Variants in CMBL observed in about 807,000 individuals in gnomAD.
The protein encoded by CMBL is carboxymethylenebutenolidase homolog.
Under a neutral mutation model 28.7 loss-of-function variants are expected in CMBL, and 17 were observed. The ratio of observed to expected loss-of-function variants is 0.59; its 90% CI spans 0.41 to 0.89. The LOEUF (loss-of-function observed/expected upper bound fraction) is 0.89, where lower values mean the gene tolerates loss of function less well. Among genes scored for constraint, CMBL ranks in the 40% least tolerant of loss-of-function variants. The pLI is 0.00. For synonymous variants in CMBL, 106 were observed against 101.6 expected, an observed-to-expected ratio of 1.04 and a Z score of -0.26; for missense variants, 310 against 298.5, an observed-to-expected ratio of 1.04 and a Z score of -0.28.
At chr5:10,301,626 G>A (rs13166867) in intron 1 of CMBL, among the ~76,000 whole-genome samples, 65,227 of 135,360 alleles carry the variant, frequency 0.48, 17,652 homozygotes, top group Non-Finnish European at 0.63. Context: ...TTTTGGAGAC[G>A]GAGTCTCGCT....
At chr5:10,284,181 G>T (rs1288075529) in intron 4 of CMBL, among the ~76,000 whole-genome samples, 1 of 152,202 alleles carries the variant, frequency 6.6e-6, no homozygotes, top group Non-Finnish European at 1.5e-5. Flanking sequence ...CGGCCAGAAG[G>T]TGGCGCCGGG....
At chr5:10,295,064 G>A (rs569348925) in intron 1 of CMBL, among the ~76,000 whole-genome samples, 1 of 151,848 alleles carries the variant, frequency 6.6e-6, no homozygotes, top group African/African-American at 2.4e-5. Context: ...ATCCTGTATT[G>A]ATGAATTCAT....
intron 3 of CMBL, among the ~76,000 whole-genome samples, chr5:10,287,888 T>G (rs1338007397): frequency 6.6e-6 from 1 of 151,692 alleles, no homozygotes; most frequent in Non-Finnish European, 1.5e-5. Context: ...GTTTTTGGTT[T>G]GTTTGTTTGT....
Position 10,284,198 on chromosome 5 carries a change from T to C in CMBL, c.467-1910A>G, listed in dbSNP as rs139471795. 4.1e-3 allele frequency among the ~76,000 whole-genome samples: 626 copies of C among 152,334 alleles called. 3 individuals carry two copies. The highest frequency in any genetic ancestry group is 0.015 in the African/African-American group (607 of 41,582). On this transcript the variant is annotated intron_variant, in intron 4 of 5. Transcript: ENST00000296658. ...GCCAGAAGGTGGCGCCGGGGAGGCA[T>C]CCACTCCCGACCGCCTTTTGCTAAA... is the stretch of plus-strand genomic sequence containing the variant.
Position 10,280,055 on chromosome 5 carries a change from C to T in CMBL, c.*398G>A, listed in dbSNP as rs1340637688. The T allele has an allele frequency of 6.4e-6, 1 of 156,128 alleles. No individual in the cohort carries two copies. The highest frequency in any genetic ancestry group is 2.4e-5 in the African/African-American group (1 of 41,502). 9.7% of individuals were successfully genotyped at this position (156,128 alleles called of 1,614,324 possible). ...CTGGGTTCTATTGATTCTTGTGCCT[C>T]AGCCTCCCAAGTAGCTGGGACTACA... is the stretch of plus-strand genomic sequence containing the variant. On this transcript the variant is annotated 3_prime_UTR_variant, in exon 6 of 6. Coordinates refer to ENST00000296658, the MANE Select transcript of CMBL (RefSeq NM_138809.4).
chr5:10,282,390 T>G (rs113015572), intron 4 of CMBL, 102 bp from the exon 5 acceptor site: 4 of 672,530 alleles, frequency 5.9e-6, no homozygotes, highest in African/African-American at 1.9e-5. Flanking sequence ...CACAGAAAAC[T>G]GCAACATTTG....
intron 1 of CMBL, among the ~76,000 whole-genome samples, chr5:10,293,255 A>G (rs1229677027): frequency 6.6e-6 from 1 of 152,260 alleles, no homozygotes; most frequent in African/African-American, 2.4e-5. Context: ...AACAAAATAC[A>G]GTAAACTGGG....
At chr5:10,283,190 G>C (rs1436107985) in intron 4 of CMBL, among the ~76,000 whole-genome samples, 1 of 152,034 alleles carries the variant, frequency 6.6e-6, no homozygotes, top group African/African-American at 2.4e-5. Context: ...TGGGAATCAG[G>C]CCATTAAATA....
At position 10,290,687 on chromosome 5, in the gene CMBL, G is replaced by C. The variant is rs1300597264; in HGVS notation, c.76C>G (p.Gln26Glu). ...ACATAAGCCTTGATGTGCTCGACTT[G>C]AACTTCACGGCCTAGCCCTCCATAC... ...LEYGGLGREV[Q>E]VEHIKAYVTK... The change falls in exon 2 of 6, where the codon CAA (glutamine) becomes GAA (glutamate). Residue 26 changes from glutamine (Q) to glutamate (E), a missense_variant. Coordinates refer to ENST00000296658, the MANE Select transcript of CMBL (RefSeq NM_138809.4). 1.9e-6 allele frequency: 3 copies of C among 1,614,172 alleles called. No homozygotes were observed. Among genetic ancestry groups the C allele is most frequent in the Non-Finnish European group, 2.5e-6 (3 of 1,180,046 alleles).
At chr5:10,290,272 C>T in intron 2 of CMBL, 1 of 441,306 alleles carries the variant, frequency 2.3e-6, no homozygotes, top group Non-Finnish European at 4.2e-6. Context: ...CTGGCTGAGG[C>T]CCCACACGGG....
At chr5:10,291,415 C>G (rs992635999) in intron 1 of CMBL, among the ~76,000 whole-genome samples, 1 of 152,134 alleles carries the variant, frequency 6.6e-6, no homozygotes, top group African/African-American at 2.4e-5. Flanking sequence ...GTAATCCCAG[C>G]ACTTTGGGAG....
intron 1 of CMBL, among the ~76,000 whole-genome samples, chr5:10,291,043 G>A (rs1475901887): frequency 6.6e-6 from 1 of 152,088 alleles, no homozygotes; most frequent in Non-Finnish European, 1.5e-5. Context: ...CTCTTCAGGG[G>A]GCAGGATCGG....
At chr5:10,286,285 G>A in intron 4 of CMBL, 69 bp downstream of exon 4, 1 of 1,478,454 alleles carries the variant, frequency 6.8e-7, no homozygotes, top group Non-Finnish European at 9.3e-7. Context: ...GGATGGGGAG[G>A]CTTGTGATTG....
intron 4 of CMBL, among the ~76,000 whole-genome samples, chr5:10,282,996 A>G (rs1746524539): frequency 6.6e-6 from 1 of 151,222 alleles, no homozygotes; most frequent in South Asian, 2.1e-4. Context: ...AGGCTGAGGC[A>G]GGAGAATGGC....
rs151085012 is a variant in CMBL at position 10,287,216 on chromosome 5, T to C, written c.324-720A>G. Among the ~76,000 whole-genome samples the C allele has an allele frequency of 2.4e-3, 359 of 152,330 alleles. 3 individuals carry two copies. Among genetic ancestry groups the C allele is most frequent in the African/African-American group, 8.1e-3 (338 of 41,566 alleles). On this transcript the variant is annotated intron_variant, in intron 3 of 5. Coordinates refer to ENST00000296658, the MANE Select transcript of CMBL (RefSeq NM_138809.4). ...CACACGTATGTTTATTGTAGCACGA[T>C]TGCAAAGATATGCAACCGAAGCGCC...
chr5:10,300,178 A>G (rs1391456702), intron 1 of CMBL, among the ~76,000 whole-genome samples: 1 of 152,220 alleles, frequency 6.6e-6, no homozygotes, highest in Non-Finnish European at 1.5e-5. Flanking sequence ...GAAAACGTGG[A>G]CAAAGACACA....
chr5:10,285,303 G>C (rs903055084), intron 4 of CMBL, among the ~76,000 whole-genome samples: 1 of 152,108 alleles, frequency 6.6e-6, no homozygotes, highest in Non-Finnish European at 1.5e-5. Flanking sequence ...TGAATATCTG[G>C]GACTACAGGC....
intron 1 of CMBL, among the ~76,000 whole-genome samples, chr5:10,295,860 T>C (rs768492194): frequency 5.9e-5 from 9 of 152,224 alleles, no homozygotes; most frequent in Non-Finnish European, 1.0e-4. Flanking sequence ...TGTAAACAAG[T>C]GTCCTTTGCA....
chr5:10,287,884 GGTTT>G (rs985907396), intron 3 of CMBL, among the ~76,000 whole-genome samples: 2 of 151,102 alleles, frequency 1.3e-5, no homozygotes, highest in African/African-American at 4.9e-5. Flanking sequence ...CTAAGTTTTT[GGTTT>G]GTTTGTTTGT....
Sources: gnomAD v4.1 joint callset for allele counts (sites outside exome capture counted in the v4.1 genomes callset) on GRCh38, gnomAD v4.1.1 for gene constraint, MANE v1.5 for transcripts, NCBI Gene and HGNC (gene_info 2026-07-23, HGNC 2026-07-21) for gene names.